The following AANAT variants were observed in gnomAD, a reference collection of about 807,000 sequenced individuals.
AANAT encodes the protein aralkylamine N-acetyltransferase.
Under a neutral mutation model 15.6 loss-of-function variants are expected in AANAT, and 11 were observed. The observed-to-expected ratio is 0.71, with a 90% CI of 0.44 to 1.17. The LOEUF is 1.17. Ranked by LOEUF, AANAT falls within the 50% of genes most tolerant of loss-of-function variation. The probability of loss-of-function intolerance (pLI) is 0.00; values close to 1 mark genes in which losing one functional copy is unlikely to be tolerated. For synonymous variants in AANAT, 139 were observed against 131.5 expected, an observed-to-expected ratio of 1.06 and a Z score of -0.39; for missense variants, 286 against 296.3, an observed-to-expected ratio of 0.97 and a Z score of 0.26.
chr17:76,468,083 T>G (rs1034314575), intron 1 of AANAT, among the ~76,000 whole-genome samples: 3 of 151,820 alleles, frequency 2.0e-5, no homozygotes, highest in African/African-American at 7.3e-5. Flanking sequence ...GCCATCTGGA[T>G]AGAAGTAGAG....
rs1186084902 is a variant in AANAT, at chr17:76,468,548, T to C, written c.-75-124T>C. ...TCGGGGACCAGGTACCTGGGGAATG[T>C]GCCCATTGATTTAGGGGCTGTCTCC... On this transcript the variant is annotated intron_variant, in intron 1 of 3. Coordinates refer to ENST00000392492, the MANE Select transcript of AANAT (RefSeq NM_001088.3). 5.0e-6 allele frequency: 4 copies of C among 795,436 alleles called. No individual in the cohort carries two copies. In the African/African-American group the frequency reaches 5.2e-5, roughly 10 times the overall value. The allele number at this position is 795,436 out of a possible 1,614,324, so 49.3% of individuals were successfully genotyped here.
At chr17:76,459,233 C>G (rs1400798610) in intron 1 of AANAT, 1 of 152,214 alleles carries the variant, frequency 6.6e-6, no homozygotes, top group Admixed American at 6.5e-5. Context: ...GTCCTGTTTC[C>G]CTCCTTCCTG....
At chr17:76,460,927 G>A (rs1446940283) in intron 2 of AANAT, among the ~76,000 whole-genome samples, 2 of 152,162 alleles carry the variant, frequency 1.3e-5, no homozygotes, top group Non-Finnish European at 2.9e-5. Context: ...CAATTTGGGA[G>A]GCTGAGGGGG....
chr17:76,469,411 G>A lies in AANAT; in HGVS notation c.318+84G>A. 3.2e-6 allele frequency: 5 copies of A among 1,562,430 alleles called. No homozygotes were observed. The Admixed American group carries it at 5.2e-5, about 16-fold the overall frequency. ...AGATGGCGGGGAGGGGAGCCCAGGG[G>A]CTGGGATTTCTTCCTCCAGAACTGG... On this transcript the variant is annotated intron_variant, in intron 3 of 3. Transcript: ENST00000392492. This position sits in a 1 kb window ranked among gnomAD's most constrained non-coding sequence, Gnocchi z 5.2.
chr17:76,468,620 T>C, intron 1 of AANAT, 52 bp from the exon 2 acceptor site: 7 of 1,467,746 alleles, frequency 4.8e-6, no homozygotes, highest in Non-Finnish European at 3.6e-6. Context: ...CTCTGGGGCC[T>C]GCCTCCCTGG....
upstream of AANAT, among the ~76,000 whole-genome samples, chr17:76,465,687 T>G (rs1300377645): frequency 6.6e-6 from 1 of 151,464 alleles, no homozygotes; most frequent in African/African-American, 2.4e-5. Flanking sequence ...CCCCTCACCC[T>G]CCTTATTTTC....
rs2071031 is a variant in AANAT at position 76,469,814 on chromosome 17, C to T, written c.468C>T (p.Ala156=). 2,969 of 1,604,098 alleles carry T rather than the reference C, an allele frequency of 1.9e-3. 40 individuals carry two copies. In the East Asian group the frequency reaches 0.029, roughly 16 times the overall value. Residue 156 remains alanine, a synonymous_variant, in exon 4 of 4, where the codon GCC becomes GCT. Coordinates refer to ENST00000392492, the MANE Select transcript of AANAT (RefSeq NM_001088.3). The surrounding 1 kb of genome is among the most constrained non-coding windows in gnomAD (Gnocchi z 5.2). ...HLGSQPAVRR[A]ALMCEDALVP... The stretch of plus-strand genomic sequence containing the variant: ...GCAGCCAGCCGGCCGTGCGCCGGGC[C>T]GCGCTCATGTGCGAGGACGCGCTGG...
chr17:76,458,926 T>C (rs2073363221), intron 1 of AANAT, among the ~76,000 whole-genome samples: 1 of 146,018 alleles, frequency 6.8e-6, no homozygotes, highest in Admixed American at 7.1e-5. Context: ...CTCATGTGGC[T>C]GGCTGAAGAA....
At chr17:76,460,129 A>ATTTTTTTTTT (rs1567863927) in intron 2 of AANAT, among the ~76,000 whole-genome samples, 2 of 82,886 alleles carry the variant, frequency 2.4e-5, no homozygotes, top group Non-Finnish European at 4.6e-5. Flanking sequence ...TACTTCAGGA[A>ATTTTTTTTTT]ATTTTTTTTT....
chr17:76,467,811 T>C lies in AANAT; in HGVS notation c.-76+84T>C. 6 of 857,362 alleles carry C rather than the reference T, an allele frequency of 7.0e-6. No homozygotes were observed. In the South Asian group the frequency reaches 2.1e-4, roughly 31 times the overall value. The allele number at this position is 857,362 out of a possible 1,614,324, so 53.1% of individuals were successfully genotyped here. A position where few individuals can be genotyped will look rare whatever the true frequency, so the allele number is the denominator to read the frequency against. ...GAGCTTCTAGACATGGAGGGAAACA[T>C]GGAAGCCATGGAGTTTATTAAGTGT... On this transcript the variant is annotated intron_variant, in intron 1 of 3. Transcript: ENST00000392492.
rs769589266 is a variant in AANAT, at chr17:76,470,017, G to T, written c.*47G>T. 34 of 1,437,584 alleles carry T rather than the reference G, an allele frequency of 2.4e-5. No individual in the cohort carries two copies. The East Asian group carries it at 4.6e-4, about 20-fold the overall frequency. The allele number at this position is 1,437,584 out of a possible 1,614,324, so 89.1% of individuals were successfully genotyped here. On this transcript the variant is annotated 3_prime_UTR_variant, in exon 4 of 4. Coordinates refer to ENST00000392492, the MANE Select transcript of AANAT (RefSeq NM_001088.3). Reference sequence around the variant, plus strand: ...CCAACATGATCCCCGTCTCTGCCCTGGGCTCCTCTTAGCTCAGCTGAGCAT... The same window carrying T: ...CCAACATGATCCCCGTCTCTGCCCTTGGCTCCTCTTAGCTCAGCTGAGCAT...
At chr17:76,455,694 G>T (rs2073337029) in intron 1 of AANAT, among the ~76,000 whole-genome samples, 1 of 152,186 alleles carries the variant, frequency 6.6e-6, no homozygotes, top group African/African-American at 2.4e-5. Context: ...GTTGTTTACA[G>T]GATCCTGAAG....
chr17:76,459,987 T>C (rs928821200), intron 2 of AANAT, among the ~76,000 whole-genome samples: 3 of 152,198 alleles, frequency 2.0e-5, no homozygotes, highest in African/African-American at 7.2e-5. Context: ...CTTGGCTTTA[T>C]ATCTTTCTGT....
chr17:76,470,103 C>A lies in AANAT; in HGVS notation c.*133C>A. On this transcript the variant is annotated 3_prime_UTR_variant, in exon 4 of 4. Transcript: ENST00000392492. ...GCTAAATAAAGAGGAGATAAGGTGG[C>A]TTCTCACGGCCTGAGCTGGAGTGGT... 9.9e-7 allele frequency: 1 copy of A among 1,014,150 alleles called. No individual in the cohort carries two copies. Among genetic ancestry groups the A allele is most frequent in the Non-Finnish European group, 1.4e-6 (1 of 737,140 alleles). The allele number at this position is 1,014,150 out of a possible 1,614,324, so 62.8% of individuals were successfully genotyped here. A position where few individuals can be genotyped will look rare whatever the true frequency, so the allele number is the denominator to read the frequency against.
At chr17:76,462,921 G>T (rs62085018), upstream of AANAT, among the ~76,000 whole-genome samples, 2 of 152,100 alleles carry the variant, frequency 1.3e-5, no homozygotes, top group Non-Finnish European at 2.9e-5. Context: ...GGTGTCCCTG[G>T]GACATGGCCA....
At chr17:76,465,923 CACT>C (rs562569116), upstream of AANAT, 108 of 481,980 alleles carry the variant, frequency 2.2e-4, no homozygotes, top group African/African-American at 1.6e-3. Context: ...AGTGGCGAGT[CACT>C]ACAGCCTCGA....
Position 76,469,269 on chromosome 17 carries a change from AG to A in AANAT, c.263del (p.Gly88AlafsTer22), listed in dbSNP as rs753635704. ...CPELSLGWFE[E>X]GCLVAFIIGS... ...GAGCTGTCCCTGGGCTGGTTCGAGG[AG>A]GGCTGCCTTGTGGCCTTCATCATCG... On this transcript the variant is annotated frameshift_variant, in exon 3 of 4. Transcript: ENST00000392492. LOFTEE classifies it high-confidence loss of function. This position sits in a 1 kb window ranked among gnomAD's most constrained non-coding sequence, Gnocchi z 5.2. 1 of 1,614,160 alleles carries A rather than the reference AG, an allele frequency of 6.2e-7. No homozygotes were observed. The highest frequency in any genetic ancestry group is 1.7e-5 in the Admixed American group (1 of 60,020).
upstream of AANAT, among the ~76,000 whole-genome samples, chr17:76,467,225 A>G (rs1373317229): frequency 6.6e-6 from 1 of 152,202 alleles, no homozygotes; most frequent in Non-Finnish European, 1.5e-5. Context: ...AAATATTTAA[A>G]TAAACTTGAA....
intron 1 of AANAT, among the ~76,000 whole-genome samples, chr17:76,468,050 G>C (rs1055642541): frequency 1.3e-5 from 2 of 151,534 alleles, no homozygotes; most frequent in African/African-American, 4.9e-5. Context: ...CACAAATCCT[G>C]CATGTGTGTG....
Sources: allele counts gnomAD v4.1 joint callset (sites outside exome capture counted in the v4.1 genomes callset), GRCh38; gene constraint gnomAD v4.1.1; non-coding constraint Gnocchi (gnomAD v3.1); transcripts MANE v1.5; gene names NCBI Gene and HGNC (gene_info 2026-07-23, HGNC 2026-07-21).